LIN9: variants seen among roughly 807,000 people sequenced by gnomAD.
The protein encoded by LIN9 is protein lin-9 homolog.
In LIN9, 18 loss-of-function variants were observed where a neutral mutation model predicts 78.0. That is an observed-to-expected ratio of 0.23 (90% CI 0.16 to 0.34). The LOEUF is 0.34. LIN9 is among the 10% of genes least tolerant of loss of function. The pLI is 1.00. For missense variants in LIN9, 451 were observed against 644.1 expected (o/e 0.70, Z 3.25); for synonymous variants, 192 against 215.2 (o/e 0.89, Z 0.94).
chr1:226,252,501 C>T (rs968979474), intron 10 of LIN9, among the ~76,000 whole-genome samples: 2 of 152,014 alleles, frequency 1.3e-5, no homozygotes, highest in African/African-American at 2.4e-5. Context: ...GTCAAAAAAT[C>T]GAGACTGTGG....
At chr1:226,281,587 A>G (rs1033048918) in intron 6 of LIN9, among the ~76,000 whole-genome samples, 1 of 152,146 alleles carries the variant, frequency 6.6e-6, no homozygotes, top group Non-Finnish European at 1.5e-5. Flanking sequence ...CTCCCAAAAT[A>G]TGTACAACTA....
At chr1:226,292,349 G>A (rs963462002) in intron 4 of LIN9, among the ~76,000 whole-genome samples, 2 of 152,190 alleles carry the variant, frequency 1.3e-5, no homozygotes, top group Non-Finnish European at 2.9e-5. Context: ...TGGTAGAGAC[G>A]GGATTTCACC....
rs570910256 is a variant in LIN9, at chr1:226,265,725, G to C, written c.937-91C>G. 3.0e-6 allele frequency: 2 copies of C among 657,108 alleles called. No individual in the cohort carries two copies. Among genetic ancestry groups the C allele is most frequent in the Non-Finnish European group, 5.1e-6 (2 of 393,706 alleles). The allele number at this position is 657,108 out of a possible 1,614,324, so 40.7% of individuals were successfully genotyped here. On this transcript the variant is annotated intron_variant, in intron 9 of 14. Transcript: ENST00000681046. This position sits in a 1 kb window ranked among gnomAD's most constrained non-coding sequence, Gnocchi z 4.1. ...TTTATTTTTTTTTAGACGGAGTCTC[G>C]CTCTGTTGCCACTTGTGATCTCGGC...
upstream of LIN9, chr1:226,309,244 G>C (rs575607251): frequency 6.6e-6 from 9 of 1,360,196 alleles, no homozygotes; most frequent in Non-Finnish European, 8.7e-6. Context: ...CGCTGCCCGC[G>C]GCGCCGCGCT....
chr1:226,299,063 A>G (rs1662345531), intron 2 of LIN9, among the ~76,000 whole-genome samples: 1 of 152,344 alleles, frequency 6.6e-6, no homozygotes, highest in Non-Finnish European at 1.5e-5. Flanking sequence ...GGGTAAGTTT[A>G]ATTTTTGTAA....
chr1:226,270,514 T>G (rs1185059160), intron 7 of LIN9, among the ~76,000 whole-genome samples: 1 of 152,076 alleles, frequency 6.6e-6, no homozygotes, highest in Non-Finnish European at 1.5e-5. Flanking sequence ...TAGCAAAGAC[T>G]TAAAAAAGCA....
rs758443386 is a variant in LIN9, at chr1:226,268,090, G to C, written c.683C>G (p.Ala228Gly). The change falls in exon 8 of 15, where the codon GCA becomes GGA. Residue 228 changes from alanine to glycine, a missense_variant and splice_region_variant. Ala to Gly is a moderately conservative substitution (Grantham distance 60). Transcript: ENST00000681046. ...LPLVIGTKVTARLRGVHDGLF... is the reference protein window; with the variant it reads ...LPLVIGTKVTGRLRGVHDGLF... ...ACCATCATGAACACCACGTAATCGT[G>C]CTGAGAAAAGAACAAAGGCATTATG... 1.4e-5 allele frequency: 22 copies of C among 1,612,798 alleles called. No homozygotes were observed. The highest frequency in any genetic ancestry group is 1.8e-5 in the Non-Finnish European group (21 of 1,179,470).
intron 8 of LIN9, 130 bp from the exon 9 acceptor site, chr1:226,266,462 A>C: frequency 1.2e-5 from 7 of 568,158 alleles, no homozygotes; most frequent in Non-Finnish European, 1.9e-5. Flanking sequence ...TATTACTTAT[A>C]TATTTAATTA....
At chr1:226,277,248 T>C in intron 7 of LIN9, among the ~76,000 whole-genome samples, 1 of 149,916 alleles carries the variant, frequency 6.7e-6, no homozygotes, top group Middle Eastern at 3.4e-3. Context: ...TTTAAAATAA[T>C]ACATAGCTAT....
rs976362481 is a variant in LIN9 at position 226,301,085 on chromosome 1, T to C, written c.64+88A>G. 18 of 923,110 alleles carry C rather than the reference T, an allele frequency of 1.9e-5. No individual in the cohort carries two copies. In the African/African-American group the frequency reaches 2.7e-4, roughly 14 times the overall value. 57.2% of individuals were successfully genotyped at this position (923,110 alleles called of 1,614,324 possible). A position where few individuals can be genotyped will look rare whatever the true frequency, so the allele number is the denominator to read the frequency against. ...TGAAAAGCTACAATGAATCATAACT[T>C]AGAAGGAAAATGGAAACACTATATC... On this transcript the variant is annotated intron_variant, in intron 2 of 14. Coordinates refer to ENST00000681046, the MANE Select transcript of LIN9 (RefSeq NM_001366245.2).
intron 11 of LIN9, among the ~76,000 whole-genome samples, chr1:226,248,512 T>A (rs1658627783): frequency 6.6e-6 from 1 of 152,242 alleles, no homozygotes; most frequent in South Asian, 2.1e-4. Flanking sequence ...TCTTTCATTT[T>A]ACTTTCTAAA....
intron 7 of LIN9, among the ~76,000 whole-genome samples, chr1:226,271,566 G>A (rs565546221): frequency 6.6e-6 from 1 of 152,224 alleles, no homozygotes; most frequent in South Asian, 2.1e-4. Flanking sequence ...GCAGTTGAGT[G>A]TATTGTTCTA....
In LIN9 at chr1:226,232,419, T is replaced by G; in HGVS notation, c.*82A>C. ...TTCCCTTGTTTTCCAGCAGTTAGGTTATTTGGTGTTGGAAGCCTATATAAA... is the reference window on the plus strand; with the variant it reads ...TTCCCTTGTTTTCCAGCAGTTAGGTGATTTGGTGTTGGAAGCCTATATAAA... On this transcript the variant is annotated 3_prime_UTR_variant, in exon 15 of 15. Transcript: ENST00000681046. 1.2e-6 allele frequency: 1 copy of G among 828,902 alleles called. No homozygotes were observed. The highest frequency in any genetic ancestry group is 1.9e-6 in the Non-Finnish European group (1 of 516,424). 51.3% of individuals were successfully genotyped at this position (828,902 alleles called of 1,614,324 possible). A position where few individuals can be genotyped will look rare whatever the true frequency, so the allele number is the denominator to read the frequency against.
Position 226,267,411 on chromosome 1 carries a change from A to C in LIN9, c.816+546T>G, listed in dbSNP as rs1660002709. Among the ~76,000 whole-genome samples the C allele has an allele frequency of 3.1e-5, 4 of 127,206 alleles. 1 individual carries two copies. Among genetic ancestry groups the C allele is most frequent in the Non-Finnish European group, 6.6e-5 (4 of 60,262 alleles). The allele number at this position is 127,206 out of a possible 152,430, so 83.5% of individuals were successfully genotyped here. A position where few individuals can be genotyped will look rare whatever the true frequency, so the allele number is the denominator to read the frequency against. ...GCACTCCAGCCTGGGCGACAGAGCA[A>C]GACTCCGTCTCAAAAAAAAAAAAAA... is the stretch of plus-strand genomic sequence containing the variant. On this transcript the variant is annotated intron_variant, in intron 8 of 14. Transcript: ENST00000681046.
At chr1:226,276,868 T>A (rs1660697728) in intron 7 of LIN9, among the ~76,000 whole-genome samples, 1 of 152,068 alleles carries the variant, frequency 6.6e-6, no homozygotes, top group African/African-American at 2.4e-5. Context: ...ACGGACAAAA[T>A]TTACACCCCT....
At chr1:226,271,535 T>C (rs1660277375) in intron 7 of LIN9, among the ~76,000 whole-genome samples, 1 of 152,234 alleles carries the variant, frequency 6.6e-6, no homozygotes, top group African/African-American at 2.4e-5. Context: ...GCCATTTGCC[T>C]ATGTAAATAA....
chr1:226,303,449 A>G (rs79515618), intron 1 of LIN9, among the ~76,000 whole-genome samples: 44 of 152,328 alleles, frequency 2.9e-4, no homozygotes, highest in Non-Finnish European at 5.4e-4. Flanking sequence ...TAAGGTGTTC[A>G]TGATGAGCTT....
At chr1:226,260,628 GTTTTTT>G (rs559460640) in intron 10 of LIN9, among the ~76,000 whole-genome samples, 35,251 of 76,036 alleles carry the variant, frequency 0.46, 8,446 homozygotes, top group Admixed American at 0.52. Context: ...GGCCAAATGA[GTTTTTT>G]TTTTTTTTTT....
intron 4 of LIN9, among the ~76,000 whole-genome samples, chr1:226,288,361 C>A (rs1661508330): frequency 6.6e-6 from 1 of 152,142 alleles, no homozygotes; most frequent in African/African-American, 2.4e-5. Context: ...ATGAGAACGA[C>A]AAATATTTCA....
Sources: gnomAD v4.1 joint callset for allele counts (sites outside exome capture counted in the v4.1 genomes callset) on GRCh38, gnomAD v4.1.1 for gene constraint, Gnocchi (gnomAD v3.1) non-coding constraint, MANE v1.5 for transcripts, NCBI Gene and HGNC (gene_info 2026-07-23, HGNC 2026-07-21) for gene names.